The following SEMA6D variants were observed in gnomAD, a reference collection of about 807,000 sequenced individuals.
The protein encoded by SEMA6D is semaphorin 6D.
SEMA6D carries 35 observed loss-of-function variants against 106.6 expected under a neutral mutation model. The ratio of observed to expected loss-of-function variants is 0.33; its 90% confidence interval spans 0.25 to 0.44. SEMA6D has a LOEUF of 0.44. SEMA6D is among the 20% of genes least tolerant of loss of function. SEMA6D has a pLI of 1.00. For synonymous variants in SEMA6D, 499 were observed against 487.7 expected (o/e 1.02, Z -0.31); for missense variants, 1,185 against 1,345.9 (o/e 0.88, Z 1.87).
chr15:47,198,628 A>T (rs1894519684), intron 1 of SEMA6D, among the ~76,000 whole-genome samples: 1 of 152,160 alleles, frequency 6.6e-6, no homozygotes, highest in Non-Finnish European at 1.5e-5. Context: ...GGGTGGTCCA[A>T]GCAGGGACCT....
At chr15:47,682,139 A>G (rs1029415031) in intron 4 of SEMA6D, among the ~76,000 whole-genome samples, 1 of 152,020 alleles carries the variant, frequency 6.6e-6, no homozygotes, top group Non-Finnish European at 1.5e-5. Flanking sequence ...GTGAGGAGAC[A>G]ATGGTGCACA....
At chr15:47,762,110 G>C in intron 7 of SEMA6D, 90 bp from the exon 8 acceptor site, 2 of 1,429,654 alleles carry the variant, frequency 1.4e-6, no homozygotes, top group South Asian at 1.2e-5. Context: ...ATACCAGTGA[G>C]AGCGCTCCAA....
chr15:47,269,081 C>A (rs2034447789), intron 1 of SEMA6D, among the ~76,000 whole-genome samples: 1 of 151,916 alleles, frequency 6.6e-6, no homozygotes, highest in East Asian at 1.9e-4. Context: ...TAAATCCCAG[C>A]CATTTTATAT....
At chr15:47,700,540 GAATA>G (rs1461077114) in intron 4 of SEMA6D, among the ~76,000 whole-genome samples, 1 of 151,882 alleles carries the variant, frequency 6.6e-6, no homozygotes, top group Non-Finnish European at 1.5e-5. Context: ...TTTCTCTAGT[GAATA>G]AATAAATAAT....
Position 47,770,935 on chromosome 15 carries a change from A to G in SEMA6D, c.2372A>G (p.His791Arg). Residue 791 changes from histidine (H) to arginine (R), a missense_variant, in exon 19 of 19, where the codon CAC becomes CGC. Physicochemically the swap from His to Arg is conservative, Grantham distance 29. Coordinates refer to ENST00000536845, the MANE Select transcript of SEMA6D (RefSeq NM_001358351.3). ...AAGACCCTGCAGGCCATGAAGAGCC[A>G]CTCAGAAAAGGCCCATGGCCATGGA... ...HQKTLQAMKSHSEKAHGHGAS... is the reference protein window; with the variant it reads ...HQKTLQAMKSRSEKAHGHGAS... The G allele has an allele frequency of 6.2e-7, 1 of 1,614,062 alleles. No individual in the cohort carries two copies. Among genetic ancestry groups the G allele is most frequent in the African/African-American group, 1.3e-5 (1 of 75,018 alleles).
chr15:47,706,788 A>G (rs1439843003), intron 4 of SEMA6D, among the ~76,000 whole-genome samples: 2 of 151,840 alleles, frequency 1.3e-5, no homozygotes, highest in East Asian at 3.8e-4. Context: ...AATGGCCCAC[A>G]TAATATGAAT....
intron 1 of SEMA6D, among the ~76,000 whole-genome samples, chr15:47,385,566 C>T (rs2039804970): frequency 6.6e-6 from 1 of 152,114 alleles, no homozygotes; most frequent in African/African-American, 2.4e-5. Context: ...TCTGTGTGTT[C>T]ATACGCATCT....
intron 1 of SEMA6D, among the ~76,000 whole-genome samples, chr15:47,334,390 G>A (rs2037468091): frequency 6.6e-6 from 1 of 152,126 alleles, no homozygotes; most frequent in African/African-American, 2.4e-5. Context: ...AATTTCTGGG[G>A]CCCAGACTTA....
At chr15:47,408,209 T>A (rs2040661158) in intron 1 of SEMA6D, among the ~76,000 whole-genome samples, 1 of 152,156 alleles carries the variant, frequency 6.6e-6, no homozygotes, top group Non-Finnish European at 1.5e-5. Context: ...TTGAGCCCCG[T>A]CTCTGCCAGC....
rs1019899234 is a variant in SEMA6D, at chr15:47,773,603, A to G, written c.*1818A>G. 1.3e-5 allele frequency: 2 copies of G among 152,380 alleles called. No homozygotes were observed. The highest frequency in any genetic ancestry group is 4.8e-5 in the African/African-American group (2 of 41,456). 9.4% of individuals were successfully genotyped at this position (152,380 alleles called of 1,614,324 possible). On this transcript the variant is annotated 3_prime_UTR_variant, in exon 19 of 19. Coordinates refer to ENST00000536845, the MANE Select transcript of SEMA6D (RefSeq NM_001358351.3). ...GGGGGAGGACATGTTGCAGAAGACC[A>G]GATCATTTTTATACAGAATGTGAAA... is the stretch of plus-strand genomic sequence containing the variant.
intron 1 of SEMA6D, among the ~76,000 whole-genome samples, chr15:47,383,029 G>A (rs2039698183): frequency 1.3e-5 from 2 of 152,198 alleles, no homozygotes; most frequent in African/African-American, 2.4e-5. Context: ...GCCTCCCAAA[G>A]TGCTGGGATT....
intron 4 of SEMA6D, among the ~76,000 whole-genome samples, chr15:47,612,112 A>G (rs1455504109): frequency 6.6e-6 from 1 of 152,134 alleles, no homozygotes; most frequent in Non-Finnish European, 1.5e-5. Flanking sequence ...AGGCATTGGA[A>G]TGGTTGTTCT....
At chr15:47,557,686 G>T (rs1200330610) in intron 3 of SEMA6D, among the ~76,000 whole-genome samples, 2 of 152,116 alleles carry the variant, frequency 1.3e-5, no homozygotes, top group African/African-American at 4.8e-5. Flanking sequence ...TTTGGTTAGG[G>T]AAATCACATC....
chr15:47,283,437 G>C (rs2035220911), intron 1 of SEMA6D, among the ~76,000 whole-genome samples: 1 of 152,156 alleles, frequency 6.6e-6, no homozygotes, highest in Non-Finnish European at 1.5e-5. Flanking sequence ...TCCGTTGGAG[G>C]TTTTGGTGTT....
intron 1 of SEMA6D, among the ~76,000 whole-genome samples, chr15:47,356,355 T>C (rs555795284): frequency 1.3e-5 from 2 of 152,312 alleles, no homozygotes; most frequent in African/African-American, 4.8e-5. Context: ...CTAGAGACTA[T>C]GTGAAATATT....
chr15:47,725,950 A>C (rs2079719309), intron 1 of SEMA6D, among the ~76,000 whole-genome samples: 1 of 152,264 alleles, frequency 6.6e-6, no homozygotes, highest in Non-Finnish European at 1.5e-5. Context: ...GATCAATCAG[A>C]AATTATAAAA....
At chr15:47,472,102 A>C (rs886512932) in intron 3 of SEMA6D, among the ~76,000 whole-genome samples, 4 of 152,166 alleles carry the variant, frequency 2.6e-5, no homozygotes, top group African/African-American at 9.6e-5. Context: ...GCAAGAAGGC[A>C]ATTGTGACTG....
chr15:47,283,384 T>G (rs1449907588), intron 1 of SEMA6D, among the ~76,000 whole-genome samples: 1 of 152,206 alleles, frequency 6.6e-6, no homozygotes, highest in Non-Finnish European at 1.5e-5. Context: ...CATTGCGAAC[T>G]CTAGGCACAT....
At chr15:47,495,074 G>A (rs1407040015) in intron 3 of SEMA6D, among the ~76,000 whole-genome samples, 1 of 151,278 alleles carries the variant, frequency 6.6e-6, no homozygotes, top group Non-Finnish European at 1.5e-5. Context: ...ATATTTAAAA[G>A]GTCAACTCCA....
Sources: allele counts gnomAD v4.1 joint callset (sites outside exome capture counted in the v4.1 genomes callset), GRCh38; gene constraint gnomAD v4.1.1; transcripts MANE v1.5; gene names NCBI Gene and HGNC (gene_info 2026-07-23, HGNC 2026-07-21).